Variants in LRPPRC observed in about 807,000 individuals in gnomAD.
LRPPRC encodes leucine-rich PPR motif-containing protein, mitochondrial.
Under a neutral mutation model 180.3 loss-of-function variants are expected in LRPPRC, and 120 were observed. The ratio of observed to expected loss-of-function variants is 0.67; its 90% CI spans 0.57 to 0.77. The LOEUF (loss-of-function observed/expected upper bound fraction) is 0.77, where lower values mean the gene tolerates loss of function less well. LRPPRC is among the 30% of genes least tolerant of loss of function. The pLI, the probability that LRPPRC is intolerant of heterozygous loss-of-function variation, is 0.00. For missense variants in LRPPRC, 2,012 were observed against 1,657.2 expected (o/e 1.21, Z -3.72); for synonymous variants, 723 against 600.0 (o/e 1.21, Z -3.00).
At chr2:43,911,528 T>C (rs1461977858) in intron 30 of LRPPRC, among the ~76,000 whole-genome samples, 8 of 140,294 alleles carry the variant, frequency 5.7e-5, no homozygotes, top group Admixed American at 1.4e-4. Context: ...TTCTTCTTTT[T>C]TTTTTTTTTT....
Position 43,973,873 on chromosome 2 carries a change from T to A in LRPPRC, c.1183A>T (p.Lys395Ter). ...TGCATCTGGACTTCCTTTAACTTCT[T>A]ACAGTAGTCTGTTAGCTTCTCCACA... Reference protein sequence around the residue: ...TPVEKLTDYCKKLKEVQMHSF... With the variant: ...TPVEKLTDYC Residue 395 changes from lysine (K) to a stop codon, truncating the protein, a stop_gained, in exon 10 of 38, where the codon AAG becomes TAG. Coordinates refer to ENST00000260665, the MANE Select transcript of LRPPRC (RefSeq NM_133259.4). LOFTEE classifies it high-confidence loss of function. 1 of 1,611,410 alleles carries A rather than the reference T, an allele frequency of 6.2e-7. No homozygotes were observed. The highest frequency in any genetic ancestry group is 2.2e-5 in the East Asian group (1 of 44,872).
Position 43,948,178 on chromosome 2 carries a change from T to G in LRPPRC, c.1864A>C (p.Ile622Leu), listed in dbSNP as rs774436998. 1.2e-5 allele frequency: 20 copies of G among 1,604,314 alleles called. No homozygotes were observed. The Admixed American group carries it at 3.3e-4, about 27-fold the overall frequency. The change falls in exon 18 of 38, where the codon ATC becomes CTC. Residue 622 changes from isoleucine to leucine, a missense_variant. By Grantham distance (5) the Ile-to-Leu change is conservative. Transcript: ENST00000260665. ...EKMNVKIPENIYRGIRNLLES... is the reference protein window; with the variant it reads ...EKMNVKIPENLYRGIRNLLES... Reference sequence around the variant, plus strand: ...AGGAGATTACGAATGCCTCTGTAGATATTTTCAGGAATTTTTACATTCTGT... The same window carrying G: ...AGGAGATTACGAATGCCTCTGTAGAGATTTTCAGGAATTTTTACATTCTGT...
intron 30 of LRPPRC, among the ~76,000 whole-genome samples, chr2:43,912,014 A>C (rs1572907726): frequency 6.6e-6 from 1 of 152,166 alleles, no homozygotes; most frequent in African/African-American, 2.4e-5. Flanking sequence ...GATAGCAGGT[A>C]ATTTTCCCAA....
At chr2:43,982,561 G>C (rs1462866746) in intron 1 of LRPPRC, 127 bp from the exon 2 acceptor site, 14 of 715,810 alleles carry the variant, frequency 2.0e-5, no homozygotes, top group Non-Finnish European at 2.9e-5. Flanking sequence ...ACCAAAAATA[G>C]AGGTATGAAC....
intron 30 of LRPPRC, among the ~76,000 whole-genome samples, chr2:43,908,218 T>G (rs1361462200): frequency 2.0e-5 from 3 of 152,228 alleles, no homozygotes; most frequent in Non-Finnish European, 4.4e-5. Flanking sequence ...GAATATGGTT[T>G]AATGTTAGCA....
intron 3 of LRPPRC, among the ~76,000 whole-genome samples, 181 bp from the exon 4 acceptor site, chr2:43,977,457 G>T (rs577483343): frequency 3.9e-5 from 6 of 152,142 alleles, no homozygotes; most frequent in African/African-American, 1.4e-4. Context: ...AAGCATGTAA[G>T]ACAGTAATTA....
At chr2:43,943,938 G>C (rs769791513) in intron 22 of LRPPRC, 44 bp from the exon 23 acceptor site, 48 of 1,421,520 alleles carry the variant, frequency 3.4e-5, no homozygotes, top group Non-Finnish European at 4.5e-5. Context: ...ATTTCATGTA[G>C]GGAAAACAAA....
intron 33 of LRPPRC, 59 bp downstream of exon 33, chr2:43,899,407 C>G: frequency 6.2e-7 from 1 of 1,610,644 alleles, no homozygotes; most frequent in East Asian, 2.2e-5. Context: ...GAAATTTGGT[C>G]TAGTCTCACT....
rs1671831596 is a variant in LRPPRC at position 43,925,149 on chromosome 2, A to C, written c.2814T>G (p.Thr938=). The change falls in exon 27 of 38, where the codon ACT becomes ACG. Residue 938 remains threonine, a synonymous_variant. Coordinates refer to ENST00000260665, the MANE Select transcript of LRPPRC (RefSeq NM_133259.4). The part of the protein sequence containing the change: ...DRCVANNQVE[T]LEKLVELTQK... ...GTGTCAGCTCCACTAATTTTTCCAG[A>C]GTTTCAACCTTAAAAGTAAGATTAA... The C allele has an allele frequency of 1.3e-6, 2 of 1,558,870 alleles. No individual in the cohort carries two copies. Among genetic ancestry groups the C allele is most frequent in the East Asian group, 2.2e-5 (1 of 44,580 alleles).
chr2:43,925,136 C>T lies in LRPPRC; in HGVS notation c.2827G>A (p.Val943Met). 1.3e-6 allele frequency: 2 copies of T among 1,594,976 alleles called. No homozygotes were observed. The highest frequency in any genetic ancestry group is 1.7e-6 in the Non-Finnish European group (2 of 1,162,704). Residue 943 changes from valine to methionine, a missense_variant, in exon 27 of 38, where the codon GTG (valine) becomes ATG (methionine). By Grantham distance (21) the Val-to-Met change is conservative. Coordinates refer to ENST00000260665, the MANE Select transcript of LRPPRC (RefSeq NM_133259.4). ...NNQVETLEKL[V>M]ELTQKLFECD... The stretch of plus-strand genomic sequence containing the variant: ...TCAAATAGCTTCTGTGTCAGCTCCA[C>T]TAATTTTTCCAGAGTTTCAACCTTA...
intron 26 of LRPPRC, 67 bp downstream of exon 26, chr2:43,925,826 G>C (rs1312756453): frequency 9.9e-7 from 1 of 1,006,298 alleles, no homozygotes; most frequent in Non-Finnish European, 1.6e-6. Flanking sequence ...ATCTTCATGT[G>C]ATACAGAGGA....
intron 6 of LRPPRC, 23 bp from the exon 7 acceptor site, chr2:43,975,240 GATT>G (rs1355615667): frequency 6.2e-7 from 1 of 1,606,100 alleles, no homozygotes; most frequent in African/African-American, 1.3e-5. Context: ...TCAAAAAACA[GATT>G]ATTATGCTTT....
chr2:43,946,087 A>G (rs370415963), intron 21 of LRPPRC, 26 bp downstream of exon 21: 13 of 1,609,536 alleles, frequency 8.1e-6, no homozygotes, highest in African/African-American at 8.0e-5. Flanking sequence ...AATGTTGACA[A>G]CTTGTTTCAG....
At chr2:43,903,198 A>C (rs917255292) in intron 31 of LRPPRC, 1 of 152,138 alleles carries the variant, frequency 6.6e-6, no homozygotes, top group Admixed American at 6.5e-5. Context: ...TGTACAGTTA[A>C]TGACTTCAGG....
At chr2:43,948,223 G>T in intron 17 of LRPPRC, 24 bp from the exon 18 acceptor site, 2 of 1,298,214 alleles carry the variant, frequency 1.5e-6, no homozygotes, top group Non-Finnish European at 2.2e-6. Context: ...AGGGAGGGGG[G>T]AAAAAACCTG....
At chr2:43,911,719 G>A (rs961766146) in intron 30 of LRPPRC, among the ~76,000 whole-genome samples, 5 of 151,554 alleles carry the variant, frequency 3.3e-5, no homozygotes, top group African/African-American at 1.2e-4. Flanking sequence ...TAGAGACAGG[G>A]TTTCACCATG....
At chr2:43,939,602 T>C (rs1012830240) in intron 23 of LRPPRC, among the ~76,000 whole-genome samples, 2 of 152,194 alleles carry the variant, frequency 1.3e-5, no homozygotes, top group Non-Finnish European at 2.9e-5. Flanking sequence ...AGAGAAACCA[T>C]CATCTTCACA....
intron 29 of LRPPRC, among the ~76,000 whole-genome samples, chr2:43,916,730 G>A (rs909550741): frequency 2.6e-5 from 4 of 151,952 alleles, no homozygotes; most frequent in Admixed American, 2.6e-4. Context: ...GAGGTGGGAG[G>A]ACCACTTGAG....
At position 43,973,916 on chromosome 2, in the gene LRPPRC, C is replaced by G. The variant is rs369488408; in HGVS notation, c.1156-16G>C. The G allele has an allele frequency of 3.4e-6, 5 of 1,468,128 alleles. No individual in the cohort carries two copies. The highest frequency in any genetic ancestry group is 3.8e-6 in the Non-Finnish European group (4 of 1,047,594). The allele number at this position is 1,468,128 out of a possible 1,614,324, so 90.9% of individuals were successfully genotyped here. A position where few individuals can be genotyped will look rare whatever the true frequency, so the allele number is the denominator to read the frequency against. ...TCTCCACAGGCTGTGGGAAAAAAGT[C>G]ACCACATTAGCTGGATTGGCAAACA... On this transcript the variant is annotated splice_polypyrimidine_tract_variant and intron_variant, in intron 9 of 37. Transcript: ENST00000260665.
Sources: gnomAD v4.1 joint callset for allele counts (sites outside exome capture counted in the v4.1 genomes callset) on GRCh38, gnomAD v4.1.1 for gene constraint, MANE v1.5 for transcripts, NCBI Gene and HGNC (gene_info 2026-07-23, HGNC 2026-07-21) for gene names.